The following AFF3 variants were observed in gnomAD, a reference collection of about 807,000 sequenced individuals.
AFF3 encodes the protein ALF transcription elongation factor 3.
Under a neutral mutation model 129.7 loss-of-function variants are expected in AFF3, and 32 were observed. The observed-to-expected ratio is 0.25, with a 90% CI of 0.19 to 0.33. AFF3 has a LOEUF of 0.33. AFF3 is among the 10% of genes least tolerant of loss of function. AFF3 has a pLI of 1.00. For missense variants in AFF3, 1,373 were observed against 1,592.0 expected, an observed-to-expected ratio of 0.86 and a Z score of 2.34; for synonymous variants, 644 against 635.4, an observed-to-expected ratio of 1.01 and a Z score of -0.20.
intron 11 of AFF3, among the ~76,000 whole-genome samples, chr2:99,691,765 C>T (rs1271642622): frequency 6.6e-6 from 1 of 152,100 alleles, no homozygotes; most frequent in African/African-American, 2.4e-5. Context: ...CTGTCAGTGA[C>T]AGGGTGTGGG....
intron 19 of AFF3, among the ~76,000 whole-genome samples, chr2:99,566,086 C>T (rs541612697): frequency 1.5e-4 from 23 of 152,048 alleles, no homozygotes; most frequent in African/African-American, 5.6e-4. Flanking sequence ...ATTTGTGGCA[C>T]TTATATCTCC....
At chr2:99,557,049 C>T (rs1479618642) in intron 22 of AFF3, among the ~76,000 whole-genome samples, 2 of 151,976 alleles carry the variant, frequency 1.3e-5, no homozygotes, top group African/African-American at 2.4e-5. Context: ...CTAAAAGAAT[C>T]GATTTTAAAT....
chr2:99,588,426 C>A (rs988916259), intron 15 of AFF3, among the ~76,000 whole-genome samples: 13 of 152,226 alleles, frequency 8.5e-5, no homozygotes, highest in Non-Finnish European at 1.9e-4. Context: ...GATCCTCCCA[C>A]CTTGGCCTCC....
chr2:100,093,852 C>T (rs3877638), intron 4 of AFF3, among the ~76,000 whole-genome samples: 5 of 152,198 alleles, frequency 3.3e-5, no homozygotes, highest in East Asian at 1.9e-4. Context: ...GTAACCTGAG[C>T]CCAGACTTCA....
intron 12 of AFF3, among the ~76,000 whole-genome samples, chr2:99,660,635 T>G (rs932854214): frequency 2.6e-5 from 4 of 152,162 alleles, no homozygotes; most frequent in Non-Finnish European, 4.4e-5. Context: ...CAAATCCAGG[T>G]TGAAAGAAGA....
At position 99,549,651 on chromosome 2, in the gene AFF3, T is replaced by C. The variant is rs1171114199; in HGVS notation, c.*1823A>G. On this transcript the variant is annotated 3_prime_UTR_variant, in exon 25 of 25. Transcript: ENST00000672756. ...ACATGTAAAATGGAAATTCTCTTAA[T>C]ATTTCCAAATGCTTGAAGGCCAAAG... 9.5e-6 allele frequency: 2 copies of C among 210,392 alleles called. No individual in the cohort carries two copies. The highest frequency in any genetic ancestry group is 4.5e-5 in the African/African-American group (2 of 44,094). The allele number at this position is 210,392 out of a possible 1,614,324, so 13.0% of individuals were successfully genotyped here.
At chr2:99,739,881 A>C (rs1003784853) in intron 10 of AFF3, among the ~76,000 whole-genome samples, 5 of 151,906 alleles carry the variant, frequency 3.3e-5, no homozygotes, top group African/African-American at 4.8e-5. Context: ...TTACATATGT[A>C]TACATGTGCC....
intron 7 of AFF3, among the ~76,000 whole-genome samples, chr2:99,874,847 T>G (rs1324527613): frequency 6.6e-6 from 1 of 152,176 alleles, no homozygotes; most frequent in Non-Finnish European, 1.5e-5. Context: ...CATTGAAATA[T>G]TTAGCAGTAA....
At chr2:99,939,614 C>T (rs957590616) in intron 7 of AFF3, among the ~76,000 whole-genome samples, 5 of 152,212 alleles carry the variant, frequency 3.3e-5, no homozygotes, top group Non-Finnish European at 7.3e-5. Context: ...AACTTCCATA[C>T]TGCAGCTTTA....
intron 7 of AFF3, among the ~76,000 whole-genome samples, chr2:99,929,110 G>C (rs1696490517): frequency 6.6e-6 from 1 of 152,130 alleles, no homozygotes. Context: ...ACTCAGCAAG[G>C]TGAAGTTGGG....
intron 8 of AFF3, among the ~76,000 whole-genome samples, chr2:99,762,428 G>A (rs994043892): frequency 2.6e-5 from 4 of 152,050 alleles, no homozygotes; most frequent in Admixed American, 1.3e-4. Flanking sequence ...CCCGGCCAAT[G>A]CCACTTATTT....
chr2:100,129,897 A>T (rs775171926), intron 1 of AFF3, among the ~76,000 whole-genome samples: 1 of 152,174 alleles, frequency 6.6e-6, no homozygotes, highest in Non-Finnish European at 1.5e-5. Flanking sequence ...GCCTGCAATG[A>T]GTGATGATTA....
chr2:100,118,814 CTTT>C (rs5832899), intron 2 of AFF3, among the ~76,000 whole-genome samples: 1 of 143,712 alleles, frequency 7.0e-6, no homozygotes. Context: ...AAAATTCTGA[CTTT>C]TTTTTTTTTT....
At chr2:100,072,666 A>T (rs998166810) in intron 4 of AFF3, among the ~76,000 whole-genome samples, 9 of 152,310 alleles carry the variant, frequency 5.9e-5, no homozygotes, top group African/African-American at 1.9e-4. Flanking sequence ...ACATCTCTGC[A>T]GTCACACCAA....
At chr2:99,878,893 A>G (rs1282270236) in intron 7 of AFF3, among the ~76,000 whole-genome samples, 5 of 152,132 alleles carry the variant, frequency 3.3e-5, no homozygotes, top group Non-Finnish European at 1.5e-5. Context: ...CCTTAAGTCC[A>G]TGGACTGTCT....
intron 11 of AFF3, 74 bp from the exon 12 acceptor site, chr2:99,672,663 T>C: frequency 1.4e-6 from 2 of 1,394,070 alleles, no homozygotes; most frequent in Non-Finnish European, 2.0e-6. Context: ...CACCAAAATA[T>C]CACCTTAATG....
Position 100,068,197 on chromosome 2 carries a change from C to T in AFF3, c.53+36205G>A, listed in dbSNP as rs141858570. 4.9e-4 allele frequency among the ~76,000 whole-genome samples: 75 copies of T among 152,250 alleles called. 1 individual carries two copies. The East Asian group carries it at 0.013, about 26-fold the overall frequency. Reference sequence around the variant, plus strand: ...GTTCCTGTCTTCTTCATAGCTTTGACCTGAACCATGAATGATCTTTTTGAC... The same window carrying T: ...GTTCCTGTCTTCTTCATAGCTTTGATCTGAACCATGAATGATCTTTTTGAC... On this transcript the variant is annotated intron_variant, in intron 4 of 24. Transcript: ENST00000672756.
chr2:99,743,729 A>G (rs1158400572), intron 10 of AFF3, among the ~76,000 whole-genome samples: 1 of 152,162 alleles, frequency 6.6e-6, no homozygotes, highest in East Asian at 1.9e-4. Flanking sequence ...AATTATCTTA[A>G]GGTCTACTGA....
chr2:99,772,696 T>C (rs371462388), intron 8 of AFF3, among the ~76,000 whole-genome samples: 14 of 152,210 alleles, frequency 9.2e-5, no homozygotes, highest in East Asian at 3.9e-4. Flanking sequence ...TAAACAACCA[T>C]GACTTAATTC....
Sources: allele counts gnomAD v4.1 joint callset (sites outside exome capture counted in the v4.1 genomes callset), GRCh38; gene constraint gnomAD v4.1.1; transcripts MANE v1.5; gene names NCBI Gene and HGNC (gene_info 2026-07-23, HGNC 2026-07-21).